The following USP5 variants were observed in gnomAD, a reference collection of about 807,000 sequenced individuals.
The protein encoded by USP5 is ubiquitin specific peptidase 5, also known as ubiquitin carboxyl-terminal hydrolase 5.
A neutral mutation model predicts 102.5 loss-of-function variants in USP5; 24 were observed. The ratio of observed to expected loss-of-function variants is 0.23; its 90% CI spans 0.17 to 0.33. USP5 has a LOEUF of 0.33. Ranked by LOEUF, USP5 falls within the 10% of genes least tolerant of loss-of-function variation. The pLI, the probability that USP5 is intolerant of heterozygous loss-of-function variation, is 1.00. For synonymous variants in USP5, 460 were observed against 434.8 expected, an observed-to-expected ratio of 1.06 and a Z score of -0.72; for missense variants, 753 against 1,122.1, an observed-to-expected ratio of 0.67 and a Z score of 4.70.
rs1944348096 is a variant in USP5 at position 6,863,868 on chromosome 12, G to C, written c.1993G>C (p.Glu665Gln). 6.2e-7 allele frequency: 1 copy of C among 1,610,904 alleles called. No homozygotes were observed. Among genetic ancestry groups the C allele is most frequent in the Non-Finnish European group, 8.5e-7 (1 of 1,178,018 alleles). The change falls in exon 16 of 20, where the codon GAG becomes CAG. Residue 665 changes from glutamate to glutamine, a missense_variant. Glu to Gln is a conservative substitution (Grantham distance 29). Transcript: ENST00000229268. The surrounding 1 kb of genome is among the most constrained non-coding windows in gnomAD (Gnocchi z 4.7). ...TGAATCAGTCATCATCCAGCTGGTGGAGATGGGATTCCCTATGGACGCCTG... is the reference window on the plus strand; with the variant it reads ...TGAATCAGTCATCATCCAGCTGGTGCAGATGGGATTCCCTATGGACGCCTG... ...LDESVIIQLV[E>Q]MGFPMDACRK...
At chr12:6,854,875 C>T (rs782296988) in intron 1 of USP5, among the ~76,000 whole-genome samples, 1 of 152,064 alleles carries the variant, frequency 6.6e-6, no homozygotes, top group Non-Finnish European at 1.5e-5. Context: ...TTTTCTGAAT[C>T]ATGGAGATGA....
intron 1 of USP5, among the ~76,000 whole-genome samples, chr12:6,852,507 T>C (rs1555127167): frequency 6.6e-6 from 1 of 152,260 alleles, no homozygotes; most frequent in Non-Finnish European, 1.5e-5. Context: ...GGCTCCCCGC[T>C]TCGTGGAGCA....
At position 6,859,477 on chromosome 12, in the gene USP5, G is replaced by T. The variant is rs782170638; in HGVS notation, c.1066G>T (p.Asp356Tyr). Residue 356 changes from aspartate to tyrosine, a missense_variant, in exon 9 of 20, where the codon GAT becomes TAT. Transcript: ENST00000229268. Reference protein sequence around the residue: ...SIPDFQRKYVDKLEKIFQNAP... With the variant: ...SIPDFQRKYVYKLEKIFQNAP... ...CCTTCCCTTGACTTTTAGGTATGTG[G>T]ATAAGCTGGAGAAGATCTTCCAGAA... 1 of 1,614,122 alleles carries T rather than the reference G, an allele frequency of 6.2e-7. No homozygotes were observed. Among genetic ancestry groups the T allele is most frequent in the Admixed American group, 1.7e-5 (1 of 60,006 alleles).
intron 1 of USP5, among the ~76,000 whole-genome samples, chr12:6,854,627 A>G (rs186722917): frequency 1.3e-5 from 2 of 151,354 alleles, no homozygotes; most frequent in Admixed American, 1.3e-4. Flanking sequence ...GCATGGTGGC[A>G]TGTGCCTGTA....
In USP5 at chr12:6,864,987, C is replaced by T; in HGVS notation, c.2398+112C>T. 6.9e-7 allele frequency: 1 copy of T among 1,454,106 alleles called. No individual in the cohort carries two copies. Among genetic ancestry groups the T allele is most frequent in the Non-Finnish European group, 9.2e-7 (1 of 1,082,480 alleles). The allele number at this position is 1,454,106 out of a possible 1,614,324, so 90.1% of individuals were successfully genotyped here. ...CTCAGGAGTCAGGGGCTTCTTTCCA[C>T]CTCAACGTGGCATCTGAGGGTGGGG... On this transcript the variant is annotated intron_variant, in intron 18 of 19. Transcript: ENST00000229268. The surrounding 1 kb of genome is among the most constrained non-coding windows in gnomAD (Gnocchi z 4.8).
rs1555129960 is a variant in USP5 at position 6,863,324 on chromosome 12, A to G, written c.1901A>G (p.Tyr634Cys). 26 of 1,614,014 alleles carry G rather than the reference A, an allele frequency of 1.6e-5. No individual in the cohort carries two copies. The highest frequency in any genetic ancestry group is 2.2e-5 in the Non-Finnish European group (26 of 1,180,032). ...GAGCCCAAAGGTAGCCTTGGTTTCT[A>G]TGGCAACGAAGACGAAGACTCCTTC... Reference protein sequence around the residue: ...PDEPKGSLGFYGNEDEDSFCS... With the variant: ...PDEPKGSLGFCGNEDEDSFCS... Residue 634 changes from tyrosine (Y) to cysteine (C), a missense_variant, in exon 15 of 20, where the codon TAT becomes TGT. Physicochemically the swap from Tyr to Cys is radical, Grantham distance 194. Coordinates refer to ENST00000229268, the MANE Select transcript of USP5 (RefSeq NM_001098536.2). The surrounding 1 kb of genome is among the most constrained non-coding windows in gnomAD (Gnocchi z 4.7).
intron 6 of USP5, 177 bp from the exon 7 acceptor site, chr12:6,857,452 G>A (rs1174865608): frequency 7.4e-6 from 4 of 540,410 alleles, no homozygotes; most frequent in East Asian, 3.0e-5. Context: ...TTCCCTGACC[G>A]TCAGCCCCAG....
Position 6,855,600 on chromosome 12 carries a change from T to A in USP5, c.237+74T>A. On this transcript the variant is annotated intron_variant, in intron 2 of 19. Coordinates refer to ENST00000229268, the MANE Select transcript of USP5 (RefSeq NM_001098536.2). This position sits in a 1 kb window ranked among gnomAD's most constrained non-coding sequence, Gnocchi z 4.6. ...TGACCTCCTATTGGACTCAGTTTCT[T>A]TTTTTCACCTACTTTTGTGTCATTA... The A allele has an allele frequency of 1.0e-5, 16 of 1,591,558 alleles. No homozygotes were observed. Among genetic ancestry groups the A allele is most frequent in the Non-Finnish European group, 1.3e-5 (15 of 1,169,956 alleles).
In USP5 at chr12:6,863,504, T is replaced by C; in HGVS notation, c.1954+127T>C. 8.2e-7 allele frequency: 1 copy of C among 1,222,758 alleles called. No homozygotes were observed. Among genetic ancestry groups the C allele is most frequent in the Non-Finnish European group, 1.1e-6 (1 of 873,682 alleles). The allele number at this position is 1,222,758 out of a possible 1,614,324, so 75.7% of individuals were successfully genotyped here. On this transcript the variant is annotated intron_variant, in intron 15 of 19. Transcript: ENST00000229268. The surrounding 1 kb of genome is among the most constrained non-coding windows in gnomAD (Gnocchi z 4.7). Reference sequence around the variant, plus strand: ...TTCAAATTTCCTCTGCCCTCTTTGATTGACATGGGGCCTCCCCAGCGCACT... The same window carrying C: ...TTCAAATTTCCTCTGCCCTCTTTGACTGACATGGGGCCTCCCCAGCGCACT...
rs2138075214 is a variant in USP5 at position 6,865,240 on chromosome 12, A to G, written c.2475A>G (p.Lys825=). The part of the protein sequence containing the change: ...MCGHYVCHIK[K]EGRWVIYNDQ... ...GTCACTACGTCTGCCACATCAAGAAAGAAGGCAGGTGAGTGCTGGCCACAT... is the reference window on the plus strand; with the variant it reads ...GTCACTACGTCTGCCACATCAAGAAGGAAGGCAGGTGAGTGCTGGCCACAT... Residue 825 remains lysine, a synonymous_variant, in exon 19 of 20, where the codon AAA becomes AAG. Coordinates refer to ENST00000229268, the MANE Select transcript of USP5 (RefSeq NM_001098536.2). 6.2e-7 allele frequency: 1 copy of G among 1,613,754 alleles called. No homozygotes were observed. The highest frequency in any genetic ancestry group is 1.3e-5 in the African/African-American group (1 of 75,052).
At position 6,856,563 on chromosome 12, in the gene USP5, T is replaced by C; in HGVS notation, c.584+113T>C. The C allele has an allele frequency of 6.5e-7, 1 of 1,543,192 alleles. No individual in the cohort carries two copies. Among genetic ancestry groups the C allele is most frequent in the Non-Finnish European group, 8.7e-7 (1 of 1,147,088 alleles). On this transcript the variant is annotated intron_variant, in intron 5 of 19. Coordinates refer to ENST00000229268, the MANE Select transcript of USP5 (RefSeq NM_001098536.2). The surrounding 1 kb of genome is among the most constrained non-coding windows in gnomAD (Gnocchi z 5.6). Reference sequence around the variant, plus strand: ...TAGGGAGCAGGACAGGAAGGGAAGCTTGGAAATGAACACGACATGGGGATG... The same window carrying C: ...TAGGGAGCAGGACAGGAAGGGAAGCCTGGAAATGAACACGACATGGGGATG...
At chr12:6,854,808 A>G (rs1383149249) in intron 1 of USP5, among the ~76,000 whole-genome samples, 1 of 151,528 alleles carries the variant, frequency 6.6e-6, no homozygotes, top group African/African-American at 2.4e-5. Context: ...TTGCTGGCAC[A>G]CTCGGGTCAG....
chr12:6,852,495 C>G (rs781793501), intron 1 of USP5, among the ~76,000 whole-genome samples: 3 of 152,284 alleles, frequency 2.0e-5, no homozygotes, highest in African/African-American at 7.2e-5. Context: ...GCTCACCTCT[C>G]CGGCTCCCCG....
At chr12:6,853,635 C>T (rs1944015498) in intron 1 of USP5, among the ~76,000 whole-genome samples, 1 of 152,206 alleles carries the variant, frequency 6.6e-6, no homozygotes, top group Non-Finnish European at 1.5e-5. Flanking sequence ...TCCTGTCTCT[C>T]TCCTTAGTAA....
chr12:6,859,635 C>T (rs974316339), intron 9 of USP5, 94 bp downstream of exon 9: 28 of 1,262,924 alleles, frequency 2.2e-5, no homozygotes, highest in Admixed American at 5.3e-5. Flanking sequence ...GCACTTTAAC[C>T]CCTGGCCTTT....
chr12:6,852,170 T>C lies in USP5; in HGVS notation c.-10T>C. 6.2e-7 allele frequency: 1 copy of C among 1,607,502 alleles called. No individual in the cohort carries two copies. The highest frequency in any genetic ancestry group is 8.5e-7 in the Non-Finnish European group (1 of 1,177,490). The stretch of plus-strand genomic sequence containing the variant: ...GAGCCGCCGTGTGTGGAGAAGCTGC[T>C]GCCGGTGTCATGGCGGAGCTGAGTG... On this transcript the variant is annotated 5_prime_UTR_variant, in exon 1 of 20. Transcript: ENST00000229268.
rs1944439552 is a variant in USP5 at position 6,866,162 on chromosome 12, T to G, written c.*85T>G. ...GGGCTGAGGGATGGACTTCAGCCCC[T>G]CTGCTCTGTACCCTTTTTCCTTTTG... On this transcript the variant is annotated 3_prime_UTR_variant, in exon 20 of 20. Coordinates refer to ENST00000229268, the MANE Select transcript of USP5 (RefSeq NM_001098536.2). The surrounding 1 kb of genome is among the most constrained non-coding windows in gnomAD (Gnocchi z 4.7). 4.0e-6 allele frequency: 5 copies of G among 1,265,634 alleles called. No homozygotes were observed. Among genetic ancestry groups the G allele is most frequent in the Admixed American group, 1.9e-5 (1 of 52,652 alleles). The allele number at this position is 1,265,634 out of a possible 1,614,324, so 78.4% of individuals were successfully genotyped here.
chr12:6,855,397 A>C lies in USP5; in HGVS notation c.112-4A>C. 1 of 1,614,094 alleles carries C rather than the reference A, an allele frequency of 6.2e-7. No homozygotes were observed. The highest frequency in any genetic ancestry group is 8.5e-7 in the Non-Finnish European group (1 of 1,179,994). ...TGTTTTCACCCTTACCTCTTGTCCC[A>C]CAGGAGTCTGAGGGGGGCCTCTACA... is the stretch of plus-strand genomic sequence containing the variant. On this transcript the variant is annotated splice_polypyrimidine_tract_variant and splice_region_variant and intron_variant, in intron 1 of 19. Transcript: ENST00000229268. The surrounding 1 kb of genome is among the most constrained non-coding windows in gnomAD (Gnocchi z 4.6).
Position 6,860,045 on chromosome 12 carries a change from C to T in USP5, c.1131-106C>T, listed in dbSNP as rs191689746. The T allele has an allele frequency of 1.6e-5, 20 of 1,226,592 alleles. No individual in the cohort carries two copies. In the East Asian group the frequency reaches 1.9e-4, roughly 12 times the overall value. The allele number at this position is 1,226,592 out of a possible 1,614,324, so 76.0% of individuals were successfully genotyped here. Reference sequence around the variant, plus strand: ...TTCCTGTAGAATCTAAGGTTTTTCACGTTGTTGAGAGTTAGCTAGGGAGAG... The same window carrying T: ...TTCCTGTAGAATCTAAGGTTTTTCATGTTGTTGAGAGTTAGCTAGGGAGAG... On this transcript the variant is annotated intron_variant, in intron 9 of 19. Transcript: ENST00000229268. This position sits in a 1 kb window ranked among gnomAD's most constrained non-coding sequence, Gnocchi z 5.5.
Sources: gnomAD v4.1 joint callset for allele counts (sites outside exome capture counted in the v4.1 genomes callset) on GRCh38, gnomAD v4.1.1 for gene constraint, Gnocchi (gnomAD v3.1) non-coding constraint, MANE v1.5 for transcripts, NCBI Gene and HGNC (gene_info 2026-07-23, HGNC 2026-07-21) for gene names.